OSBPL6: variants seen among roughly 807,000 people sequenced by gnomAD.
The protein encoded by OSBPL6 is oxysterol-binding protein-related protein 6.
OSBPL6 carries 49 observed loss-of-function variants against 125.8 expected under a neutral mutation model. The observed-to-expected ratio is 0.39, with a 90% CI of 0.31 to 0.49. OSBPL6 has a LOEUF of 0.49. OSBPL6 is among the 20% of genes least tolerant of loss of function. The pLI, the probability that OSBPL6 is intolerant of heterozygous loss-of-function variation, is 0.88. For synonymous variants in OSBPL6, 394 were observed against 391.8 expected (o/e 1.01, Z -0.07); for missense variants, 986 against 1,135.4 (o/e 0.87, Z 1.89).
intron 1 of OSBPL6, among the ~76,000 whole-genome samples, chr2:178,235,481 A>G (rs2091021019): frequency 7.6e-6 from 1 of 131,012 alleles, no homozygotes; most frequent in African/African-American, 2.9e-5. Flanking sequence ...ATCCTGGCTC[A>G]CTGCAACCTC....
chr2:178,346,565 G>A (rs930782490), intron 11 of OSBPL6, among the ~76,000 whole-genome samples: 5 of 152,134 alleles, frequency 3.3e-5, no homozygotes, highest in Non-Finnish European at 5.9e-5. Context: ...AGGACTTCAA[G>A]AAAGCCTTGG....
At chr2:178,198,421 C>T (rs924606710) in intron 1 of OSBPL6, among the ~76,000 whole-genome samples, 1 of 151,812 alleles carries the variant, frequency 6.6e-6, no homozygotes, top group African/African-American at 2.4e-5. Context: ...CTCAGCCTCC[C>T]TAGTAGCTGG....
chr2:178,320,242 C>G (rs931694266), intron 3 of OSBPL6: 1 of 1,598,822 alleles, frequency 6.3e-7, no homozygotes, highest in African/African-American at 1.3e-5. Flanking sequence ...CATGTTGGCA[C>G]ATTTCCACTT....
chr2:178,243,144 G>A (rs1484379741), intron 1 of OSBPL6, among the ~76,000 whole-genome samples: 1 of 152,102 alleles, frequency 6.6e-6, no homozygotes, highest in African/African-American at 2.4e-5. Flanking sequence ...TTAAGAATGA[G>A]CACTGTTCAC....
intron 4 of OSBPL6, among the ~76,000 whole-genome samples, chr2:178,327,083 A>AATATCAAG (rs1559248954): frequency 6.7e-6 from 1 of 149,430 alleles, no homozygotes; most frequent in African/African-American, 2.6e-5. Flanking sequence ...TGATGGGTGC[A>AATATCAAG]CCAAAGTCTC....
chr2:178,382,680 G>T, intron 16 of OSBPL6, 173 bp downstream of exon 16: 1 of 1,461,428 alleles, frequency 6.8e-7, no homozygotes, highest in South Asian at 1.4e-5. Context: ...GTAAATGGTT[G>T]AAAAAATCTG....
chr2:178,264,048 AC>A (rs2092152233), intron 1 of OSBPL6, among the ~76,000 whole-genome samples: 1 of 152,016 alleles, frequency 6.6e-6, no homozygotes, highest in Non-Finnish European at 1.5e-5. Context: ...CTTCCTGGTC[AC>A]CCACAATGGG....
intron 1 of OSBPL6, among the ~76,000 whole-genome samples, chr2:178,275,369 G>A (rs140707974): frequency 0.024 from 3,655 of 152,092 alleles, 152 homozygotes; most frequent in African/African-American, 0.083. Context: ...AAAATTAGCC[G>A]GGCATGGTGA....
chr2:178,241,341 T>C (rs2091283443), intron 1 of OSBPL6, among the ~76,000 whole-genome samples: 1 of 152,052 alleles, frequency 6.6e-6, no homozygotes, highest in African/African-American at 2.4e-5. Flanking sequence ...CTTGAACTCC[T>C]GACCTCGTGG....
At chr2:178,351,679 G>C (rs1047095637) in intron 12 of OSBPL6, among the ~76,000 whole-genome samples, 1 of 152,166 alleles carries the variant, frequency 6.6e-6, no homozygotes, top group Non-Finnish European at 1.5e-5. Flanking sequence ...ACAAGATCAC[G>C]TGTTTTGCAT....
At chr2:178,203,656 T>C (rs547256482) in intron 1 of OSBPL6, among the ~76,000 whole-genome samples, 2 of 152,202 alleles carry the variant, frequency 1.3e-5, no homozygotes, top group Non-Finnish European at 2.9e-5. Context: ...TTTACCTTGT[T>C]GGGTGCTGGA....
rs148418266 is a variant in OSBPL6 at position 178,321,780 on chromosome 2, T to C, written c.103-2397T>C. On this transcript the variant is annotated intron_variant, in intron 3 of 24. Coordinates refer to ENST00000190611, the MANE Select transcript of OSBPL6 (RefSeq NM_032523.4). ...AATAAAAATATTCATTTACTTGCTA[T>C]GTCTCACTAAATGTTTTTTATGATT... 6.2e-3 allele frequency among the ~76,000 whole-genome samples: 949 copies of C among 152,332 alleles called. 7 individuals are homozygous for C. Among genetic ancestry groups the C allele is most frequent in the African/African-American group, 0.021 (891 of 41,572 alleles).
At position 178,204,591 on chromosome 2, in the gene OSBPL6, A is replaced by G. The variant is rs1298655826; in HGVS notation, c.-351+9917A>G. Among the ~76,000 whole-genome samples the G allele has an allele frequency of 2.0e-5, 3 of 152,078 alleles. No individual in the cohort carries two copies. The East Asian group carries it at 5.8e-4, about 29-fold the overall frequency. ...GTTGCCTGATAATATCTTGAAAACT[A>G]TTTCTTTGTATGTTTTGTCCACTTC... On this transcript the variant is annotated intron_variant, in intron 1 of 24. Transcript: ENST00000190611.
intron 3 of OSBPL6, among the ~76,000 whole-genome samples, chr2:178,319,198 A>G (rs1180351923): frequency 6.6e-6 from 1 of 152,234 alleles, no homozygotes; most frequent in African/African-American, 2.4e-5. Context: ...AGTTCTGGAA[A>G]ATTACAAATT....
chr2:178,308,967 A>G (rs905791667), intron 3 of OSBPL6, among the ~76,000 whole-genome samples: 1 of 152,114 alleles, frequency 6.6e-6, no homozygotes, highest in Admixed American at 6.5e-5. Flanking sequence ...TTAAGGCCAC[A>G]GTTTCTTACT....
chr2:178,266,536 G>A (rs1179991300), intron 1 of OSBPL6, among the ~76,000 whole-genome samples: 1 of 152,202 alleles, frequency 6.6e-6, no homozygotes, highest in Non-Finnish European at 1.5e-5. Context: ...TGCTCCGTCT[G>A]TAAGGTGGGC....
At chr2:178,287,816 C>T (rs1008771876) in intron 2 of OSBPL6, among the ~76,000 whole-genome samples, 18 of 152,036 alleles carry the variant, frequency 1.2e-4, no homozygotes, top group Non-Finnish European at 2.1e-4. Flanking sequence ...CTTCTTATCT[C>T]GTTTTCTTGG....
chr2:178,353,814 A>C (rs1691514576), intron 12 of OSBPL6, among the ~76,000 whole-genome samples: 1 of 152,220 alleles, frequency 6.6e-6, no homozygotes, highest in African/African-American at 2.4e-5. Flanking sequence ...AGTTGAAATG[A>C]AGGAAAAAAT....
chr2:178,199,411 A>C (rs1236846595), intron 1 of OSBPL6, among the ~76,000 whole-genome samples: 1 of 152,150 alleles, frequency 6.6e-6, no homozygotes, highest in Non-Finnish European at 1.5e-5. Flanking sequence ...TTGGGTATTT[A>C]CTGCTAAGTG....
Sources: gnomAD v4.1 joint callset for allele counts (sites outside exome capture counted in the v4.1 genomes callset) on GRCh38, gnomAD v4.1.1 for gene constraint, MANE v1.5 for transcripts, NCBI Gene and HGNC (gene_info 2026-07-23, HGNC 2026-07-21) for gene names.